Variants in RANBP17 observed in about 807,000 individuals in gnomAD.
RANBP17 encodes RAN binding protein 17, also known as ran-binding protein 17.
In RANBP17, 158 loss-of-function variants were observed where a neutral mutation model predicts 141.2. The observed-to-expected ratio is 1.12, with a 90% CI of 0.98 to 1.28. The LOEUF (loss-of-function observed/expected upper bound fraction) is 1.28, where lower values mean the gene tolerates loss of function less well. Among genes scored for constraint, RANBP17 ranks in the 50% most tolerant of loss-of-function variants. The probability of loss-of-function intolerance (pLI) is 0.00; values close to 1 mark genes in which losing one functional copy is unlikely to be tolerated. For missense variants in RANBP17, 1,438 were observed against 1,290.7 expected, an observed-to-expected ratio of 1.11 and a Z score of -1.75; for synonymous variants, 430 against 450.0, an observed-to-expected ratio of 0.96 and a Z score of 0.56.
intron 19 of RANBP17, among the ~76,000 whole-genome samples, chr5:171,204,267 A>G (rs926558520): frequency 2.6e-5 from 4 of 152,242 alleles, no homozygotes; most frequent in African/African-American, 9.6e-5. Context: ...CCTATAAATA[A>G]CATCCAGTTA....
chr5:171,109,995 G>A (rs902174737), intron 14 of RANBP17, among the ~76,000 whole-genome samples: 14 of 152,204 alleles, frequency 9.2e-5, no homozygotes, highest in Admixed American at 1.3e-4. Context: ...GGGTTATTGA[G>A]AAAGACTGGA....
At chr5:171,209,636 AG>A (rs1424506371) in intron 20 of RANBP17, among the ~76,000 whole-genome samples, 10 of 152,218 alleles carry the variant, frequency 6.6e-5, no homozygotes, top group African/African-American at 2.2e-4. Flanking sequence ...ATGCATGCAA[AG>A]GGCTATATGA....
chr5:171,048,393 G>A (rs1022748998), intron 14 of RANBP17, among the ~76,000 whole-genome samples: 2 of 151,974 alleles, frequency 1.3e-5, no homozygotes, highest in East Asian at 3.9e-4. Flanking sequence ...TTTTTAATCT[G>A]TTCACACAAT....
intron 5 of RANBP17, chr5:170,896,830 A>G: frequency 2.2e-6 from 1 of 455,658 alleles, no homozygotes; most frequent in South Asian, 2.0e-5. Context: ...ACTCTGTCTC[A>G]AACAACAATA....
intron 14 of RANBP17, among the ~76,000 whole-genome samples, chr5:170,984,387 G>A (rs1777978843): frequency 6.6e-6 from 1 of 152,118 alleles, no homozygotes; most frequent in Non-Finnish European, 1.5e-5. Flanking sequence ...AGTGCTTTGG[G>A]AGATAAGGCG....
At position 171,212,024 on chromosome 5, in the gene RANBP17, A is replaced by G. The variant is rs549221461; in HGVS notation, c.2232-1607A>G. ...CTTAGTATATGCCCTCAAAAAGCTT[A>G]TAATAGGAGAGATATACAAGTACTA... On this transcript the variant is annotated intron_variant, in intron 20 of 27. Coordinates refer to ENST00000523189, the MANE Select transcript of RANBP17 (RefSeq NM_022897.5). Among the ~76,000 whole-genome samples, 58 of 152,314 alleles carry G rather than the reference A, an allele frequency of 3.8e-4. No individual in the cohort carries two copies. In the South Asian group the frequency reaches 0.012, roughly 32 times the overall value.
rs1784741118 is a variant in RANBP17 at position 171,073,447 on chromosome 5, TATTGTG to T, written c.1711-96682_1711-96677del. Among the ~76,000 whole-genome samples the T allele has an allele frequency of 2.0e-5, 3 of 152,188 alleles. No homozygotes were observed. In the South Asian group the frequency reaches 6.2e-4, roughly 32 times the overall value. ...TCTAGGAATGAACAATAAGTGAACA[TATTGTG>T]GGTGTTTAGAGCCAAGTTTCTCTCT... On this transcript the variant is annotated intron_variant, in intron 14 of 27. Coordinates refer to ENST00000523189, the MANE Select transcript of RANBP17 (RefSeq NM_022897.5).
intron 18 of RANBP17, among the ~76,000 whole-genome samples, chr5:171,197,670 G>A (rs1388904877): frequency 2.0e-5 from 3 of 152,182 alleles, no homozygotes; most frequent in Non-Finnish European, 2.9e-5. Flanking sequence ...GTGGTATAAT[G>A]TAAGTGGTAT....
At chr5:171,189,754 G>A (rs1012455299) in intron 18 of RANBP17, among the ~76,000 whole-genome samples, 3 of 152,198 alleles carry the variant, frequency 2.0e-5, no homozygotes, top group Middle Eastern at 3.2e-3. Context: ...TTTGTTGAGC[G>A]TTGTTGAACA....
At chr5:170,997,343 A>C (rs1778887322) in intron 14 of RANBP17, among the ~76,000 whole-genome samples, 1 of 152,130 alleles carries the variant, frequency 6.6e-6, no homozygotes, top group African/African-American at 2.4e-5. Flanking sequence ...GAGTTTGTTC[A>C]ATCCAGCGTC....
chr5:171,292,319 A>G (rs1352569304), intron 25 of RANBP17, among the ~76,000 whole-genome samples: 3 of 152,244 alleles, frequency 2.0e-5, no homozygotes, highest in Non-Finnish European at 1.5e-5. Context: ...AAAGAAGCTC[A>G]TTGCTGTTAC....
At chr5:171,223,708 TA>T (rs1397080741) in intron 22 of RANBP17, among the ~76,000 whole-genome samples, 4 of 152,240 alleles carry the variant, frequency 2.6e-5, no homozygotes, top group African/African-American at 7.2e-5. Flanking sequence ...TGAACCCCTT[TA>T]AAAAATTTTC....
chr5:170,981,439 G>T (rs1777764556), intron 14 of RANBP17, among the ~76,000 whole-genome samples: 1 of 152,094 alleles, frequency 6.6e-6, no homozygotes, highest in African/African-American at 2.4e-5. Flanking sequence ...GATCTGGTGG[G>T]AGGTAATTGA....
At chr5:171,212,126 T>G (rs1423184063) in intron 20 of RANBP17, among the ~76,000 whole-genome samples, 1 of 152,130 alleles carries the variant, frequency 6.6e-6, no homozygotes, top group Non-Finnish European at 1.5e-5. Context: ...AGGAGGCAAG[T>G]GCATGTGATG....
chr5:171,005,481 C>A (rs982411073), intron 14 of RANBP17, among the ~76,000 whole-genome samples: 2 of 152,140 alleles, frequency 1.3e-5, no homozygotes, highest in Non-Finnish European at 2.9e-5. Context: ...CTGACAAAAA[C>A]AAGAAATGGG....
At chr5:170,959,405 C>G (rs1378157578) in intron 13 of RANBP17, among the ~76,000 whole-genome samples, 1 of 152,184 alleles carries the variant, frequency 6.6e-6, no homozygotes, top group East Asian at 1.9e-4. Context: ...ACCTCATTTC[C>G]TACCCTTTCC....
intron 14 of RANBP17, among the ~76,000 whole-genome samples, chr5:171,053,922 TATA>T (rs1561596735): frequency 0.04 from 2,010 of 50,408 alleles, 296 homozygotes; most frequent in South Asian, 0.12. Flanking sequence ...TATATATATA[TATA>T]ATTGCTGTAT....
chr5:170,939,237 C>G (rs1180913885), intron 12 of RANBP17, among the ~76,000 whole-genome samples: 1 of 152,008 alleles, frequency 6.6e-6, no homozygotes, highest in Admixed American at 6.6e-5. Flanking sequence ...ACGTTTTCTA[C>G]TAGCCGATCT....
chr5:170,919,059 A>G (rs898932037), intron 10 of RANBP17, among the ~76,000 whole-genome samples, 200 bp downstream of exon 10: 1 of 152,090 alleles, frequency 6.6e-6, no homozygotes. Flanking sequence ...TAATAATTGA[A>G]TAATGGCTTG....
Sources: allele counts gnomAD v4.1 joint callset (sites outside exome capture counted in the v4.1 genomes callset), GRCh38; gene constraint gnomAD v4.1.1; transcripts MANE v1.5; gene names NCBI Gene and HGNC (gene_info 2026-07-23, HGNC 2026-07-21).